The following TNS3 variants were observed in gnomAD, a reference collection of about 807,000 sequenced individuals.
The protein encoded by TNS3 is tensin-3.
In TNS3, 45 loss-of-function variants were observed where a neutral mutation model predicts 140.9. The observed-to-expected ratio is 0.32, with a 90% CI of 0.25 to 0.41. The LOEUF (loss-of-function observed/expected upper bound fraction) is 0.41, where lower values mean the gene tolerates loss of function less well. Among genes scored for constraint, TNS3 ranks in the 10% least tolerant of loss-of-function variants. The probability of loss-of-function intolerance (pLI) is 1.00; values close to 1 mark genes in which losing one functional copy is unlikely to be tolerated. For synonymous variants in TNS3, 815 were observed against 788.4 expected, an observed-to-expected ratio of 1.03 and a Z score of -0.56; for missense variants, 1,716 against 1,906.7, an observed-to-expected ratio of 0.90 and a Z score of 1.86.
In TNS3 at chr7:47,368,780, G is replaced by C. The variant is rs566167095; in HGVS notation, c.1866C>G (p.Leu622=). ...VSRCPADNPG[L]VQAQPRVPLT... is the part of the protein sequence containing the mutation. ...GTGGCACTCTGGGCTGGGCCTGGAC[G>C]AGGCCAGGATTGTCTGCAGGGCAGC... Residue 622 remains leucine (L), a synonymous_variant, in exon 17 of 31, where the codon CTC becomes CTG. Transcript: ENST00000311160. 1 of 1,599,654 alleles carries C rather than the reference G, an allele frequency of 6.3e-7. No homozygotes were observed. The highest frequency in any genetic ancestry group is 1.3e-5 in the African/African-American group (1 of 74,804).
chr7:47,542,817 C>A (rs1472553934), intron 1 of TNS3, among the ~76,000 whole-genome samples: 1 of 151,094 alleles, frequency 6.6e-6, no homozygotes, highest in Non-Finnish European at 1.5e-5. Context: ...GTAATCCCAG[C>A]TACTTGGGAG....
intron 7 of TNS3, among the ~76,000 whole-genome samples, chr7:47,436,978 T>C (rs1193510944): frequency 6.6e-6 from 1 of 152,154 alleles, no homozygotes; most frequent in African/African-American, 2.4e-5. Context: ...ACTATACCAA[T>C]GCCAACTTCC....
intron 4 of TNS3, among the ~76,000 whole-genome samples, chr7:47,475,341 A>G (rs1378025021): frequency 1.3e-5 from 2 of 152,264 alleles, no homozygotes; most frequent in African/African-American, 2.4e-5. Context: ...CCAGGGCCAC[A>G]GACCACAGTG....
intron 20 of TNS3, among the ~76,000 whole-genome samples, chr7:47,338,182 A>G (rs767327812): frequency 2.6e-5 from 4 of 152,226 alleles, no homozygotes; most frequent in Non-Finnish European, 5.9e-5. Context: ...ATGTGAACAT[A>G]AGTCTATTTC....
At position 47,275,397 on chromosome 7, in the gene TNS3, C is replaced by T. The variant is rs1211894061; in HGVS notation, c.*2679G>A. On this transcript the variant is annotated 3_prime_UTR_variant, in exon 31 of 31. Transcript: ENST00000311160. ...TTAACACTGGAGGAATACAACAATA[C>T]GTTCTTTTACTGAGTAGTTAGTAGG... 3 of 156,134 alleles carry T rather than the reference C, an allele frequency of 1.9e-5. No homozygotes were observed. Among genetic ancestry groups the T allele is most frequent in the Admixed American group, 6.4e-5 (1 of 15,642 alleles). The allele number at this position is 156,134 out of a possible 1,614,324, so 9.7% of individuals were successfully genotyped here.
At chr7:47,380,723 ACACT>A (rs920444791) in intron 16 of TNS3, among the ~76,000 whole-genome samples, 101 of 152,106 alleles carry the variant, frequency 6.6e-4, no homozygotes, top group African/African-American at 1.8e-3. Flanking sequence ...ATGCACACAC[ACACT>A]CACCACACAG....
At chr7:47,483,315 G>A (rs1020769508) in intron 3 of TNS3, among the ~76,000 whole-genome samples, 26 of 151,968 alleles carry the variant, frequency 1.7e-4, no homozygotes, top group Admixed American at 1.5e-3. Context: ...GACTACAGGC[G>A]CCCGCCACCA....
Position 47,443,207 on chromosome 7 carries a change from G to C in TNS3, c.-75-1152C>G, listed in dbSNP as rs77961264. Among the ~76,000 whole-genome samples, 1,093 of 152,318 alleles carry C rather than the reference G, an allele frequency of 7.2e-3. 19 individuals are homozygous for C. The highest frequency in any genetic ancestry group is 0.025 in the African/African-American group (1,019 of 41,562). The stretch of plus-strand genomic sequence containing the variant: ...ACTTCTTTGTCTCCTGCCTTTTGAA[G>C]TGAGAATAGTAACAGACAGGGCCAG... On this transcript the variant is annotated intron_variant, in intron 4 of 30. Coordinates refer to ENST00000311160, the MANE Select transcript of TNS3 (RefSeq NM_022748.12).
intron 17 of TNS3, among the ~76,000 whole-genome samples, chr7:47,349,370 T>C (rs1329987454): frequency 2.6e-5 from 4 of 152,250 alleles, no homozygotes; most frequent in Non-Finnish European, 5.9e-5. Flanking sequence ...CCTCTCCCTC[T>C]GGATGGATCA....
At chr7:47,537,173 A>G (rs1180136637) in intron 1 of TNS3, among the ~76,000 whole-genome samples, 1 of 151,856 alleles carries the variant, frequency 6.6e-6, no homozygotes, top group Non-Finnish European at 1.5e-5. Flanking sequence ...ACCCCTCCCC[A>G]GCGGCTATCT....
intron 3 of TNS3, chr7:47,481,668 C>A (rs899294914): frequency 1.0e-6 from 1 of 985,242 alleles, no homozygotes; most frequent in African/African-American, 1.7e-5. Context: ...TATTCCATTC[C>A]GCACAAGAGA....
intron 4 of TNS3, among the ~76,000 whole-genome samples, chr7:47,449,185 C>T (rs777157848): frequency 2.0e-5 from 3 of 152,254 alleles, no homozygotes; most frequent in Non-Finnish European, 4.4e-5. Flanking sequence ...GGTGCGTATC[C>T]TGCAGGTGGA....
Position 47,407,658 on chromosome 7 carries a change from GT to G in TNS3, c.723+4068del, listed in dbSNP as rs1793523452. ...TCTCAGCACTTCAGCATAGGGCTGT[GT>G]TTGGAGATGGGGTCTTCACAAAGGT... On this transcript the variant is annotated intron_variant, in intron 13 of 30. Transcript: ENST00000311160. The surrounding 1 kb of genome is among the most constrained non-coding windows in gnomAD (Gnocchi z 4.1). Among the ~76,000 whole-genome samples the G allele has an allele frequency of 6.6e-6, 1 of 152,246 alleles. No homozygotes were observed. Among genetic ancestry groups the G allele is most frequent in the African/African-American group, 2.4e-5 (1 of 41,466 alleles).
intron 17 of TNS3, among the ~76,000 whole-genome samples, chr7:47,349,603 T>C (rs75517892): frequency 0.018 from 2,792 of 152,354 alleles, 96 homozygotes; most frequent in African/African-American, 0.063. Flanking sequence ...TGCAGGGTCC[T>C]GCTTTCCATT....
chr7:47,409,693 T>C (rs1468340311), intron 13 of TNS3, among the ~76,000 whole-genome samples: 2 of 152,032 alleles, frequency 1.3e-5, no homozygotes, highest in Non-Finnish European at 1.5e-5. Flanking sequence ...AGTCTCGCTC[T>C]GTCGCCCAGG....
At chr7:47,335,400 C>T (rs1226294957) in intron 20 of TNS3, among the ~76,000 whole-genome samples, 3 of 152,190 alleles carry the variant, frequency 2.0e-5, no homozygotes, top group Admixed American at 1.3e-4. Flanking sequence ...TTTTAAATGA[C>T]AACACATCCC....
chr7:47,508,283 T>C (rs996653608), intron 2 of TNS3, among the ~76,000 whole-genome samples: 2 of 152,244 alleles, frequency 1.3e-5, no homozygotes. Flanking sequence ...ATGATCTATA[T>C]TTTTGAATTG....
intron 1 of TNS3, among the ~76,000 whole-genome samples, chr7:47,565,415 G>A (rs548868233): frequency 5.9e-5 from 9 of 151,914 alleles, no homozygotes; most frequent in African/African-American, 1.9e-4. Context: ...CGCCCAGGCT[G>A]GAGTGCAGTG....
chr7:47,457,913 G>T (rs1158077771), intron 4 of TNS3, among the ~76,000 whole-genome samples: 1 of 152,126 alleles, frequency 6.6e-6, no homozygotes, highest in East Asian at 1.9e-4. Flanking sequence ...CTGTCCTCAG[G>T]TGCACCCTGA....
Sources: allele counts gnomAD v4.1 joint callset (sites outside exome capture counted in the v4.1 genomes callset), GRCh38; gene constraint gnomAD v4.1.1; non-coding constraint Gnocchi (gnomAD v3.1); transcripts MANE v1.5; gene names NCBI Gene and HGNC (gene_info 2026-07-23, HGNC 2026-07-21).